The following APOL2 variants were observed in gnomAD, a reference collection of about 807,000 sequenced individuals.
APOL2 encodes the protein apolipoprotein L2, also known as apolipoprotein L, 2.
A neutral mutation model predicts 7.1 loss-of-function variants in APOL2; 8 were observed. That is an observed-to-expected ratio of 1.12 (90% CI 0.66 to 2.03). The LOEUF is 2.03. Among genes scored for constraint, APOL2 ranks in the 30% most tolerant of loss-of-function variants. The pLI is 0.00. For missense variants in APOL2, 471 were observed against 415.1 expected (o/e 1.13, Z -1.17); for synonymous variants, 177 against 159.9 (o/e 1.11, Z -0.81).
At position 36,226,555 on chromosome 22, in the gene APOL2, GCTGA is replaced by G. The variant is rs2146965703; in HGVS notation, c.*845_*848del. The G allele has an allele frequency of 6.5e-6, 1 of 152,736 alleles. No homozygotes were observed. The highest frequency in any genetic ancestry group is 2.4e-5 in the African/African-American group (1 of 41,536). The allele number at this position is 152,736 out of a possible 1,614,324, so 9.5% of individuals were successfully genotyped here. ...AACCACCATCATGAAGAAGCCACTG[GCTGA>G]CTGTGATACACCCCCAGAAGGACAA... On this transcript the variant is annotated 3_prime_UTR_variant, in exon 5 of 5. Coordinates refer to ENST00000358502, the MANE Select transcript of APOL2 (RefSeq NM_030882.4).
intron 4 of APOL2, among the ~76,000 whole-genome samples, chr22:36,229,856 T>G (rs888714305): frequency 6.6e-6 from 1 of 152,214 alleles, no homozygotes; most frequent in Non-Finnish European, 1.5e-5. Flanking sequence ...GGCTGAAGGC[T>G]ACTGGGTGCG....
Position 36,228,165 on chromosome 22 carries a change from ACT to A in APOL2, c.251_252del (p.Glu84ValfsTer9), listed in dbSNP as rs1309983518. On this transcript the variant is annotated frameshift_variant, in exon 5 of 5. Coordinates refer to ENST00000358502, the MANE Select transcript of APOL2 (RefSeq NM_030882.4). LOFTEE classifies it low-confidence loss of function (END_TRUNC). ...TCAAGCTCCCTTTTCAACCGAGGAA[ACT>A]CTTTCAAAAACCACTGCCTGTGCTG... ...DQQHRQWFLK[E>X]FPRLKRELED... 4 of 1,613,922 alleles carry A rather than the reference ACT, an allele frequency of 2.5e-6. No homozygotes were observed. Among genetic ancestry groups the A allele is most frequent in the South Asian group, 1.1e-5 (1 of 91,062 alleles).
chr22:36,235,448 G>A (rs1156630789), intron 1 of APOL2, among the ~76,000 whole-genome samples: 1 of 152,032 alleles, frequency 6.6e-6, no homozygotes, highest in East Asian at 1.9e-4. Flanking sequence ...TCAAACCCAT[G>A]TCCTCAGGGA....
rs145265152 is a variant in APOL2 at position 36,239,444 on chromosome 22, GGGATCTTCCTCT to G, written c.-149_-138del. The stretch of plus-strand genomic sequence containing the variant: ...GATCACACTATCCCCAACTTACCAA[GGGATCTTCCTCT>G]GACAGAGACTGAGCAAGATCCAACT... On this transcript the variant is annotated 5_prime_UTR_variant, in exon 1 of 5. Transcript: ENST00000358502. 0.011 allele frequency: 17,045 copies of G among 1,551,054 alleles called. 1,476 individuals are homozygous for G. In the African/African-American group the frequency reaches 0.2, roughly 18 times the overall value.
In APOL2 at chr22:36,227,529, G is replaced by A; in HGVS notation, c.889C>T (p.His297Tyr). The change falls in exon 5 of 5, where the codon CAC becomes TAC. Residue 297 changes from histidine (H) to tyrosine (Y), a missense_variant. Coordinates refer to ENST00000358502, the MANE Select transcript of APOL2 (RefSeq NM_030882.4). ...DVVSLAYESK[H>Y]LLEGAKSESA... Reference sequence around the variant, plus strand: ...TCTGACTTTGCCCCCTCAAGCAAGTGCTTTGACTCATATGCAAGGCTGACC... The same window carrying A: ...TCTGACTTTGCCCCCTCAAGCAAGTACTTTGACTCATATGCAAGGCTGACC... The A allele has an allele frequency of 6.2e-7, 1 of 1,614,172 alleles. No homozygotes were observed. The highest frequency in any genetic ancestry group is 1.1e-5 in the South Asian group (1 of 91,086).
intron 1 of APOL2, chr22:36,234,331 CT>C (rs2015331031): frequency 1.3e-5 from 2 of 152,318 alleles, no homozygotes; most frequent in African/African-American, 4.8e-5. Context: ...TCTCAGTAGT[CT>C]TTTCTTCAGG....
In APOL2 at chr22:36,227,996, G is replaced by C; in HGVS notation, c.422C>G (p.Thr141Arg). 6.2e-7 allele frequency: 1 copy of C among 1,614,234 alleles called. No individual in the cohort carries two copies. The highest frequency in any genetic ancestry group is 1.1e-5 in the South Asian group (1 of 91,082). The part of the protein sequence containing the change: ...TLLGLGLAPF[T>R]EGISFVLLDT... ...CAAGAGCACAAAACTGATTCCTTCT[G>C]TGAAGGGTGCCAGACCCAGGCCGAG... Residue 141 changes from threonine (T) to arginine (R), a missense_variant, in exon 5 of 5, where the codon ACA (threonine) becomes AGA (arginine). By Grantham distance (71) the Thr-to-Arg change is moderately conservative. Transcript: ENST00000358502.
intron 1 of APOL2, chr22:36,234,215 A>G (rs1465942194): frequency 1.3e-5 from 2 of 152,254 alleles, no homozygotes; most frequent in Non-Finnish European, 2.9e-5. Context: ...AAAGCTATTA[A>G]CATCTCAAAA....
chr22:36,238,182 C>T (rs1405644543), intron 1 of APOL2, among the ~76,000 whole-genome samples: 9 of 152,230 alleles, frequency 5.9e-5, no homozygotes, highest in South Asian at 2.1e-4. Flanking sequence ...GGATGCCCTC[C>T]GCCCTCCCTG....
At chr22:36,236,877 A>T in intron 1 of APOL2, 3 of 1,266,260 alleles carry the variant, frequency 2.4e-6, no homozygotes, top group Non-Finnish European at 3.0e-6. Flanking sequence ...GCATCTGGAC[A>T]CTTCTTGCTG....
In APOL2 at chr22:36,227,732, C is replaced by G. The variant is rs769647688; in HGVS notation, c.686G>C (p.Arg229Pro). Residue 229 changes from arginine (R) to proline (P), a missense_variant, in exon 5 of 5, where the codon CGA (arginine) becomes CCA (proline). Physicochemically the swap from Arg to Pro is moderately radical, Grantham distance 103. Coordinates refer to ENST00000358502, the MANE Select transcript of APOL2 (RefSeq NM_030882.4). Reference protein sequence around the residue: ...GIGRNIRAIRRARANPQLGAY... With the variant: ...GIGRNIRAIRPARANPQLGAY... Reference sequence around the variant, plus strand: ...TCCTAACTGAGGGTTGGCTCTGGCTCGTCTGATGGCACGGATGTTCCTCCC... The same window carrying G: ...TCCTAACTGAGGGTTGGCTCTGGCTGGTCTGATGGCACGGATGTTCCTCCC... 1.9e-6 allele frequency: 3 copies of G among 1,614,204 alleles called. No individual in the cohort carries two copies. The highest frequency in any genetic ancestry group is 1.6e-4 in the Middle Eastern group (1 of 6,062).
Position 36,227,872 on chromosome 22 carries a change from G to C in APOL2, c.546C>G (p.Arg182=). The C allele has an allele frequency of 1.9e-6, 3 of 1,614,222 alleles. No homozygotes were observed. In the East Asian group the frequency reaches 6.7e-5, roughly 36 times the overall value. The change falls in exon 5 of 5, where the codon CGC becomes CGG. Residue 182 remains arginine (R), a synonymous_variant. Transcript: ENST00000358502. ...CATTGGTGCCGCTTTGGTCCAAGTT[G>C]CGGGCTTGGGCTCGTGCCCGCAATT... ...VNKLRARAQA[R]NLDQSGTNVA... is the part of the protein sequence containing the mutation.
At chr22:36,237,232 T>C in intron 1 of APOL2, 1 of 1,375,010 alleles carries the variant, frequency 7.3e-7, no homozygotes, top group Non-Finnish European at 9.5e-7. Flanking sequence ...GGCTGGTCAA[T>C]TCCGGTGTCC....
At chr22:36,237,009 G>A in intron 1 of APOL2, 1 of 1,418,056 alleles carries the variant, frequency 7.1e-7, no homozygotes, top group Admixed American at 2.7e-5. Context: ...GAACCAGGAG[G>A]ACCAGGAGGG....
chr22:36,231,579 A>G, intron 3 of APOL2, 113 bp from the exon 4 acceptor site: 1 of 1,331,962 alleles, frequency 7.5e-7, no homozygotes. Flanking sequence ...GATGTGGGAC[A>G]TGTTTGATGG....
intron 1 of APOL2, chr22:36,237,017 G>A (rs760881673): frequency 8.4e-6 from 12 of 1,427,548 alleles, no homozygotes; most frequent in African/African-American, 2.9e-5. Flanking sequence ...AGGACCAGGA[G>A]GGAGAAGAGG....
At chr22:36,230,521 T>G (rs1252882248) in intron 4 of APOL2, among the ~76,000 whole-genome samples, 1 of 152,104 alleles carries the variant, frequency 6.6e-6, no homozygotes, top group Non-Finnish European at 1.5e-5. Flanking sequence ...GCCCCAGCCT[T>G]CCTGCTTGTC....
chr22:36,235,509 A>C (rs2015366517), intron 1 of APOL2, among the ~76,000 whole-genome samples: 1 of 149,466 alleles, frequency 6.7e-6, no homozygotes, highest in Non-Finnish European at 1.5e-5. Flanking sequence ...ATAGAAAAGA[A>C]GAAAAATCAA....
chr22:36,233,500 C>G, intron 1 of APOL2, 45 bp from the exon 2 acceptor site: 2 of 1,501,192 alleles, frequency 1.3e-6, no homozygotes, highest in Non-Finnish European at 1.8e-6. Flanking sequence ...GGGCAGCCAT[C>G]TGATCATTAC....
Sources: gnomAD v4.1 joint callset for allele counts (sites outside exome capture counted in the v4.1 genomes callset) on GRCh38, gnomAD v4.1.1 for gene constraint, MANE v1.5 for transcripts, NCBI Gene and HGNC (gene_info 2026-07-23, HGNC 2026-07-21) for gene names.